The following MDGA2 variants were observed in gnomAD, a reference collection of about 807,000 sequenced individuals.
MDGA2 encodes the protein MAM domain-containing glycosylphosphatidylinositol anchor protein 2.
A neutral mutation model predicts 117.8 loss-of-function variants in MDGA2; 40 were observed. The ratio of observed to expected loss-of-function variants is 0.34; its 90% CI spans 0.26 to 0.44. MDGA2 has a LOEUF of 0.44. MDGA2 is among the 20% of genes least tolerant of loss of function. The probability of loss-of-function intolerance (pLI) is 1.00; values close to 1 mark genes in which losing one functional copy is unlikely to be tolerated. For synonymous variants in MDGA2, 452 were observed against 439.0 expected, an observed-to-expected ratio of 1.03 and a Z score of -0.37; for missense variants, 1,123 against 1,250.6, an observed-to-expected ratio of 0.90 and a Z score of 1.54.
chr14:47,154,394 G>A (rs1249871880), intron 3 of MDGA2, among the ~76,000 whole-genome samples: 1 of 152,182 alleles, frequency 6.6e-6, no homozygotes, highest in Non-Finnish European at 1.5e-5. Flanking sequence ...CCGGGAACAG[G>A]CAGGATTCCT....
chr14:47,325,055 G>A (rs556769141), intron 1 of MDGA2, among the ~76,000 whole-genome samples: 87 of 152,240 alleles, frequency 5.7e-4, no homozygotes, highest in African/African-American at 2.1e-3. Context: ...AACTTTAGGA[G>A]TAAAAGTTGA....
intron 1 of MDGA2, among the ~76,000 whole-genome samples, chr14:47,305,593 A>G (rs1889416731): frequency 6.6e-6 from 1 of 152,182 alleles, no homozygotes; most frequent in African/African-American, 2.4e-5. Context: ...ATTATTCTAC[A>G]ATGGCAACAA....
At chr14:47,177,193 A>C (rs984125232) in intron 3 of MDGA2, among the ~76,000 whole-genome samples, 6 of 152,180 alleles carry the variant, frequency 3.9e-5, no homozygotes, top group Admixed American at 1.3e-4. Flanking sequence ...ACACTTTTAC[A>C]CTGTTGGTGG....
At chr14:47,355,718 C>T (rs1429065887) in intron 1 of MDGA2, among the ~76,000 whole-genome samples, 1 of 152,118 alleles carries the variant, frequency 6.6e-6, no homozygotes, top group Non-Finnish European at 1.5e-5. Flanking sequence ...TCATCCCAAC[C>T]ACCTGGGCCT....
intron 1 of MDGA2, among the ~76,000 whole-genome samples, chr14:47,592,522 G>T (rs546037498): frequency 6.8e-4 from 103 of 152,234 alleles, no homozygotes; most frequent in Non-Finnish European, 1.3e-3. Context: ...AAAGAGCATG[G>T]TATTGGTATG....
intron 14 of MDGA2, among the ~76,000 whole-genome samples, chr14:46,868,429 GGACAAAAGA>G (rs1881864934): frequency 1.3e-5 from 2 of 151,802 alleles, no homozygotes; most frequent in East Asian, 1.9e-4. Flanking sequence ...CAGTTCAGCA[GGACAAAAGA>G]GACAGCCTGT....
chr14:47,112,137 G>A (rs1881071317), intron 5 of MDGA2, among the ~76,000 whole-genome samples: 2 of 149,060 alleles, frequency 1.3e-5, no homozygotes, highest in Admixed American at 6.7e-5. Context: ...GTAAAAAAAA[G>A]CGGGAGAGGA....
chr14:47,467,195 A>G (rs537191242), intron 1 of MDGA2, among the ~76,000 whole-genome samples: 2 of 152,264 alleles, frequency 1.3e-5, no homozygotes, highest in South Asian at 2.1e-4. Context: ...GCTGGAAGTT[A>G]GAGGAGGAAA....
rs921973506 is a variant in MDGA2 at position 47,445,466 on chromosome 14, A to G, written c.281-143916T>C. Among the ~76,000 whole-genome samples, 8 of 152,140 alleles carry G rather than the reference A, an allele frequency of 5.3e-5. No homozygotes were observed. In the South Asian group the frequency reaches 1.7e-3, roughly 32 times the overall value. On this transcript the variant is annotated intron_variant, in intron 1 of 16. Transcript: ENST00000399232. ...CCCAGAATTCAAAACAACAAGTACA[A>G]CTTTTAAGTTGCAAATCACACCTTG...
intron 1 of MDGA2, among the ~76,000 whole-genome samples, chr14:47,408,573 A>G (rs1054529863): frequency 2.6e-5 from 4 of 152,204 alleles, no homozygotes; most frequent in Non-Finnish European, 4.4e-5. Context: ...GGCGGCCATC[A>G]GCCGGAAATC....
intron 2 of MDGA2, among the ~76,000 whole-genome samples, chr14:47,248,760 G>T (rs1396602460): frequency 6.6e-6 from 1 of 151,798 alleles, no homozygotes; most frequent in East Asian, 1.9e-4. Flanking sequence ...GGAGTATTAG[G>T]TTTATCAAAG....
chr14:46,871,949 C>G (rs1466040075), intron 14 of MDGA2: 3 of 333,636 alleles, frequency 9.0e-6, no homozygotes, highest in African/African-American at 6.4e-5. Context: ...GCCTGGGCAA[C>G]ATAGCAAGAG....
chr14:46,939,971 C>A (rs1884935635), intron 9 of MDGA2, among the ~76,000 whole-genome samples: 1 of 152,078 alleles, frequency 6.6e-6, no homozygotes, highest in South Asian at 2.1e-4. Context: ...CGACTCTTAC[C>A]CTGGTATAGG....
At chr14:47,391,708 C>T (rs1291151515) in intron 1 of MDGA2, among the ~76,000 whole-genome samples, 1 of 152,140 alleles carries the variant, frequency 6.6e-6, no homozygotes, top group Non-Finnish European at 1.5e-5. Context: ...CAGTAAAATA[C>T]ATGAATTTGA....
At chr14:47,231,753 GAA>G (rs61088338) in intron 2 of MDGA2, among the ~76,000 whole-genome samples, 36 of 142,998 alleles carry the variant, frequency 2.5e-4, no homozygotes, top group Admixed American at 2.8e-4. Flanking sequence ...CTTCGTGTTG[GAA>G]AAAAAAAAAA....
At chr14:47,162,345 T>C (rs1883678652) in intron 3 of MDGA2, among the ~76,000 whole-genome samples, 1 of 152,276 alleles carries the variant, frequency 6.6e-6, no homozygotes, top group South Asian at 2.1e-4. Context: ...CCTCACTGGA[T>C]TCCTGTACAA....
At chr14:47,053,390 T>C (rs1046014311) in intron 7 of MDGA2, among the ~76,000 whole-genome samples, 1 of 151,710 alleles carries the variant, frequency 6.6e-6, no homozygotes, top group African/African-American at 2.4e-5. Flanking sequence ...TGTTTCACCA[T>C]CCCTTCAGCT....
chr14:46,910,495 G>T (rs180842309), intron 10 of MDGA2, among the ~76,000 whole-genome samples: 1 of 151,864 alleles, frequency 6.6e-6, no homozygotes, highest in Admixed American at 6.6e-5. Context: ...AAAATAATAA[G>T]AGCCATCTAT....
intron 2 of MDGA2, among the ~76,000 whole-genome samples, chr14:47,297,866 A>G (rs534889989): frequency 6.6e-6 from 1 of 152,202 alleles, no homozygotes. Context: ...ATACCTACAC[A>G]TCCAAATCTA....
Sources: gnomAD v4.1 joint callset for allele counts (sites outside exome capture counted in the v4.1 genomes callset) on GRCh38, gnomAD v4.1.1 for gene constraint, MANE v1.5 for transcripts, NCBI Gene and HGNC (gene_info 2026-07-23, HGNC 2026-07-21) for gene names.